The following SLCO1B3 variants were observed in gnomAD, a reference collection of about 807,000 sequenced individuals.
SLCO1B3 encodes the protein liver-specific organic anion transporter 2.
SLCO1B3 carries 72 observed loss-of-function variants against 71.8 expected under a neutral mutation model. The ratio of observed to expected loss-of-function variants is 1.00; its 90% CI spans 0.83 to 1.22. The LOEUF is 1.22. SLCO1B3 is among the 50% of genes most tolerant of loss of function. The pLI, the probability that SLCO1B3 is intolerant of heterozygous loss-of-function variation, is 0.00. For synonymous variants in SLCO1B3, 298 were observed against 278.4 expected (o/e 1.07, Z -0.70); for missense variants, 911 against 819.7 (o/e 1.11, Z -1.36).
intron 12 of SLCO1B3, among the ~76,000 whole-genome samples, chr12:20,882,202 C>T (rs980191218): frequency 4.6e-5 from 7 of 152,094 alleles, no homozygotes; most frequent in African/African-American, 1.2e-4. Context: ...TTAATATTGG[C>T]AATGGCTATG....
intron 15 of SLCO1B3, among the ~76,000 whole-genome samples, chr12:20,912,301 TTTTATTTATTTATTTATTTA>T (rs142241896): frequency 6.4e-5 from 9 of 139,646 alleles, no homozygotes; most frequent in African/African-American, 1.1e-4. Flanking sequence ...TTATTTTTAT[TTTTATTTATTTATTTATTTA>T]TTTATTTATT....
At chr12:20,889,920 T>C (rs1361686809) in intron 13 of SLCO1B3, among the ~76,000 whole-genome samples, 1 of 151,854 alleles carries the variant, frequency 6.6e-6, no homozygotes, top group African/African-American at 2.4e-5. Flanking sequence ...TCTTAATTTT[T>C]TTTTTTTTGT....
intron 3 of SLCO1B3, among the ~76,000 whole-genome samples, chr12:20,826,444 A>G (rs1036749864): frequency 6.6e-6 from 1 of 152,150 alleles, no homozygotes; most frequent in African/African-American, 2.4e-5. Flanking sequence ...CCTTAAGAAA[A>G]TGTTGTTCTA....
intron 3 of SLCO1B3, among the ~76,000 whole-genome samples, chr12:20,846,343 A>G (rs1331037703): frequency 6.6e-6 from 1 of 152,176 alleles, no homozygotes; most frequent in East Asian, 1.9e-4. Context: ...ACATTGTTAT[A>G]TTCTTCCAAA....
At chr12:20,898,174 T>A (rs1448593575) in intron 13 of SLCO1B3, among the ~76,000 whole-genome samples, 1 of 152,184 alleles carries the variant, frequency 6.6e-6, no homozygotes, top group African/African-American at 2.4e-5. Context: ...CTTATAGGAT[T>A]TTCATAAGGA....
At chr12:20,832,889 G>A (rs1240615734) in intron 3 of SLCO1B3, among the ~76,000 whole-genome samples, 4 of 152,166 alleles carry the variant, frequency 2.6e-5, no homozygotes, top group Middle Eastern at 3.4e-3. Context: ...ACCCCAAAAC[G>A]CACCTGTGTA....
intron 3 of SLCO1B3, among the ~76,000 whole-genome samples, chr12:20,840,057 A>T (rs980102830): frequency 3.3e-5 from 5 of 152,122 alleles, no homozygotes; most frequent in African/African-American, 1.2e-4. Flanking sequence ...CTGTTCTTGC[A>T]TACTGTCTCT....
intron 13 of SLCO1B3, among the ~76,000 whole-genome samples, chr12:20,886,477 A>G (rs777530848): frequency 6.6e-6 from 1 of 152,086 alleles, no homozygotes; most frequent in African/African-American, 2.4e-5. Flanking sequence ...CACTAAAGGA[A>G]ACTGAGGAGG....
chr12:20,831,992 TG>T (rs908582794), intron 3 of SLCO1B3, among the ~76,000 whole-genome samples: 12 of 152,142 alleles, frequency 7.9e-5, no homozygotes, highest in African/African-American at 2.9e-4. Flanking sequence ...AAAAGGCAAA[TG>T]AATTTCCCTA....
intron 8 of SLCO1B3, among the ~76,000 whole-genome samples, chr12:20,870,654 G>T (rs1865458409): frequency 6.6e-6 from 1 of 152,072 alleles, no homozygotes; most frequent in South Asian, 2.1e-4. Context: ...ATTTCTCTGG[G>T]CTCTGTATTC....
chr12:20,885,199 G>A (rs1865770247), intron 13 of SLCO1B3, among the ~76,000 whole-genome samples: 1 of 152,056 alleles, frequency 6.6e-6, no homozygotes, highest in African/African-American at 2.4e-5. Flanking sequence ...GATTTCCTTT[G>A]AAGAAAAGTT....
Position 20,815,736 on chromosome 12 carries a change from AT to A in SLCO1B3, c.-2del. ...ATATTCACTTGGTATCTGTAGTTTA[AT>A]AATGGACCAACATCAACATTTGAAT... On this transcript the variant is annotated 5_prime_UTR_variant, in exon 3 of 16. Coordinates refer to ENST00000381545, the MANE Select transcript of SLCO1B3 (RefSeq NM_019844.4). 1 of 1,402,166 alleles carries A rather than the reference AT, an allele frequency of 7.1e-7. No homozygotes were observed. The highest frequency in any genetic ancestry group is 9.8e-7 in the Non-Finnish European group (1 of 1,016,540). The allele number at this position is 1,402,166 out of a possible 1,614,324, so 86.9% of individuals were successfully genotyped here.
At chr12:20,837,434 T>C (rs1864707362) in intron 3 of SLCO1B3, among the ~76,000 whole-genome samples, 1 of 152,170 alleles carries the variant, frequency 6.6e-6, no homozygotes, top group South Asian at 2.1e-4. Context: ...GTTTCCTCTT[T>C]TCTCATATAT....
intron 12 of SLCO1B3, among the ~76,000 whole-genome samples, chr12:20,881,368 C>T (rs1865690814): frequency 6.6e-6 from 1 of 152,090 alleles, no homozygotes; most frequent in South Asian, 2.1e-4. Flanking sequence ...TTTGGAATTA[C>T]TTTACCCTTT....
intron 3 of SLCO1B3, among the ~76,000 whole-genome samples, chr12:20,818,514 A>T (rs34274711): frequency 0.1 from 15,393 of 152,182 alleles, 1,052 homozygotes; most frequent in Middle Eastern, 0.17. Flanking sequence ...GGGTATGTTG[A>T]GTAAAGCTAA....
At chr12:20,819,038 A>G (rs907028390) in intron 3 of SLCO1B3, among the ~76,000 whole-genome samples, 8 of 152,328 alleles carry the variant, frequency 5.3e-5, no homozygotes, top group Admixed American at 4.6e-4. Context: ...GTAGAGAGTG[A>G]GTTGAGCATA....
At chr12:20,859,382 G>A (rs1865207363) in intron 5 of SLCO1B3, among the ~76,000 whole-genome samples, 1 of 152,156 alleles carries the variant, frequency 6.6e-6, no homozygotes, top group Non-Finnish European at 1.5e-5. Flanking sequence ...TATGGAAGGA[G>A]AGAAGAAAGG....
At chr12:20,820,016 A>G (rs556037607) in intron 3 of SLCO1B3, among the ~76,000 whole-genome samples, 22 of 152,214 alleles carry the variant, frequency 1.4e-4, no homozygotes, top group African/African-American at 4.6e-4. Context: ...GGATAACTAA[A>G]AAAGAGTGCA....
intron 3 of SLCO1B3, among the ~76,000 whole-genome samples, chr12:20,825,508 A>T (rs1294126463): frequency 6.6e-6 from 1 of 152,150 alleles, no homozygotes; most frequent in Non-Finnish European, 1.5e-5. Context: ...TTAATTTAAC[A>T]GAATAGGCTG....
Sources: allele counts gnomAD v4.1 joint callset (sites outside exome capture counted in the v4.1 genomes callset), GRCh38; gene constraint gnomAD v4.1.1; transcripts MANE v1.5; gene names NCBI Gene and HGNC (gene_info 2026-07-23, HGNC 2026-07-21).